POU2F2: variants seen among roughly 807,000 people sequenced by gnomAD.
POU2F2 encodes POU class 2 homeobox 2, also known as POU domain, class 2, transcription factor 2.
A neutral mutation model predicts 63.5 loss-of-function variants in POU2F2; 14 were observed. The observed-to-expected ratio is 0.22, with a 90% CI of 0.15 to 0.34. The LOEUF (loss-of-function observed/expected upper bound fraction) is 0.34. POU2F2 is among the 10% of genes least tolerant of loss of function. The probability of loss-of-function intolerance (pLI) is 1.00; values close to 1 mark genes in which losing one functional copy is unlikely to be tolerated. For synonymous variants in POU2F2, 306 were observed against 348.6 expected, an observed-to-expected ratio of 0.88 and a Z score of 1.36; for missense variants, 607 against 815.2, an observed-to-expected ratio of 0.74 and a Z score of 3.11.
chr19:42,146,032 C>CAAA (rs1004458482), intron 2 of POU2F2, among the ~76,000 whole-genome samples: 6 of 49,728 alleles, frequency 1.2e-4, no homozygotes, highest in African/African-American at 2.1e-4. Flanking sequence ...GACTCCGTCT[C>CAAA]AAAAAAAAAA....
At chr19:42,143,053 A>T (rs1161293322) in intron 2 of POU2F2, among the ~76,000 whole-genome samples, 1 of 152,184 alleles carries the variant, frequency 6.6e-6, no homozygotes, top group Non-Finnish European at 1.5e-5. Context: ...GTGAATGCAC[A>T]GATGTTCACT....
intron 2 of POU2F2, among the ~76,000 whole-genome samples, chr19:42,146,546 C>T (rs986930057): frequency 8.5e-5 from 13 of 152,216 alleles, no homozygotes; most frequent in Non-Finnish European, 7.3e-5. Context: ...GCAGATTCTC[C>T]GAGCTCATAC....
intron 11 of POU2F2, among the ~76,000 whole-genome samples, 197 bp from the exon 12 acceptor site, chr19:42,094,092 C>T (rs552559553): frequency 6.6e-6 from 1 of 152,352 alleles, no homozygotes; most frequent in East Asian, 1.9e-4. Flanking sequence ...GGCTAATTCT[C>T]CATTGAGAAC....
At chr19:42,121,589 A>T (rs888353616) in intron 4 of POU2F2, among the ~76,000 whole-genome samples, 12 of 151,864 alleles carry the variant, frequency 7.9e-5, no homozygotes, top group Admixed American at 7.9e-4. Flanking sequence ...AAGCCTCTGG[A>T]CCTGCCTGCT....
intron 1 of POU2F2, among the ~76,000 whole-genome samples, chr19:42,168,835 C>T (rs1266027085): frequency 6.6e-6 from 1 of 152,152 alleles, no homozygotes; most frequent in African/African-American, 2.4e-5. Context: ...GCTTAAATGT[C>T]ACTTCCTCAG....
chr19:42,086,122 G>T lies in POU2F2; in HGVS notation c.*5135C>A, dbSNP rs1389573890. ...GGGAGAGTAGGCATCATTTCTCTCT[G>T]TACAGTTTTTAATTTTTTATTTTTT... On this transcript the variant is annotated 3_prime_UTR_variant, in exon 15 of 15. Transcript: ENST00000692977. 6.6e-6 allele frequency: 1 copy of T among 152,136 alleles called. No homozygotes were observed. The highest frequency in any genetic ancestry group is 1.9e-4 in the East Asian group (1 of 5,198). 9.4% of individuals were successfully genotyped at this position (152,136 alleles called of 1,614,324 possible).
intron 2 of POU2F2, among the ~76,000 whole-genome samples, chr19:42,143,830 C>T (rs1010553433): frequency 1.3e-5 from 2 of 152,182 alleles, no homozygotes; most frequent in African/African-American, 4.8e-5. Flanking sequence ...TCCAGAATTA[C>T]ACTTAAACAC....
rs374511837 is a variant in POU2F2, at chr19:42,184,442, C to A, written c.-70+11941G>T. 8.5e-4 allele frequency among the ~76,000 whole-genome samples: 129 copies of A among 152,324 alleles called. 2 individuals carry two copies. In the South Asian group the frequency reaches 0.026, roughly 31 times the overall value. On this transcript the variant is annotated intron_variant, in intron 1 of 5. Coordinates refer to the POU2F2 transcript ENST00000532176. Reference sequence around the variant, plus strand: ...TCTGCTCTGGACCTATCCCCCAACCCTGCCCACATCTCCAAGAGTTTGTGG... The same window carrying A: ...TCTGCTCTGGACCTATCCCCCAACCATGCCCACATCTCCAAGAGTTTGTGG...
intron 4 of POU2F2, among the ~76,000 whole-genome samples, chr19:42,120,361 C>T (rs2032459935): frequency 6.6e-6 from 1 of 151,994 alleles, no homozygotes; most frequent in Non-Finnish European, 1.5e-5. Context: ...GCTGGGATTA[C>T]AGGCACTCAC....
intron 1 of POU2F2, among the ~76,000 whole-genome samples, chr19:42,172,834 TG>T (rs1477571889): frequency 6.6e-6 from 1 of 152,110 alleles, no homozygotes; most frequent in African/African-American, 2.4e-5. Flanking sequence ...GACAGGTCTG[TG>T]GATGGACATC....
intron 5 of POU2F2, among the ~76,000 whole-genome samples, chr19:42,114,863 G>A (rs1029130769): frequency 1.3e-5 from 2 of 152,196 alleles, no homozygotes; most frequent in Non-Finnish European, 2.9e-5. Flanking sequence ...CATCTGGGCT[G>A]AGCACCGTGG....
intron 5 of POU2F2, among the ~76,000 whole-genome samples, chr19:42,115,588 C>A (rs1005731469): frequency 4.6e-5 from 7 of 152,108 alleles, no homozygotes; most frequent in African/African-American, 7.2e-5. Flanking sequence ...TGGGTGAAAA[C>A]CAGACAGACA....
exon 1 of POU2F2, chr19:42,196,471 T>C (rs1203937251): frequency 2.0e-5 from 3 of 152,344 alleles, no homozygotes; most frequent in Non-Finnish European, 4.4e-5. Flanking sequence ...GGCTGTCCCC[T>C]GCCCAGAATA....
chr19:42,116,895 A>G (rs569143032), intron 5 of POU2F2: 152 of 483,692 alleles, frequency 3.1e-4, no homozygotes, highest in Middle Eastern at 7.5e-4. Context: ...CGGCGGCGGC[A>G]GCGGCGTTAG....
chr19:42,098,643 G>A (rs192269396), intron 7 of POU2F2, among the ~76,000 whole-genome samples: 2 of 152,298 alleles, frequency 1.3e-5, no homozygotes, highest in African/African-American at 4.8e-5. Flanking sequence ...CATGCCAATG[G>A]TGGAAGAACA....
At chr19:42,093,325 TTA>T (rs1182870590) in intron 12 of POU2F2, 4 of 152,000 alleles carry the variant, frequency 2.6e-5, no homozygotes, top group Non-Finnish European at 4.4e-5. Flanking sequence ...TATATTATTA[TTA>T]TATATATGGT....
In POU2F2 at chr19:42,148,234, C is replaced by G. The variant is rs185633802; in HGVS notation, c.-9+12098G>C. Among the ~76,000 whole-genome samples the G allele has an allele frequency of 5.4e-3, 820 of 152,302 alleles. 8 individuals carry two copies. Among genetic ancestry groups the G allele is most frequent in the Middle Eastern group, 0.037 (11 of 294 alleles). On this transcript the variant is annotated intron_variant, in intron 2 of 6. Coordinates refer to the POU2F2 transcript ENST00000524801. ...CTGGTTCTTGTGCTCACATCCTGGC[C>G]TTTCCCACATGGCCCAGAGGGACCT...
In POU2F2 at chr19:42,096,239, A is replaced by G; in HGVS notation, c.572T>C (p.Val191Ala). ...QPRAGLPTQA[V>A]TRPTLPDPHL... ...CGGGTCGGGCAGCGTAGGGCGGGTCACGGCCTGGTGGGGTGGGCAGGTGGG... is the reference window on the plus strand; with the variant it reads ...CGGGTCGGGCAGCGTAGGGCGGGTCGCGGCCTGGTGGGGTGGGCAGGTGGG... The change falls in exon 8 of 15, where the codon GTG becomes GCG. Residue 191 changes from valine (V) to alanine (A), a missense_variant. Val to Ala is a moderately conservative substitution (Grantham distance 64). This residue lies in a region of POU2F2 where 224 missense variants were observed against 264.3 expected (regional missense o/e 0.85). Coordinates refer to ENST00000692977, the MANE Select transcript of POU2F2 (RefSeq NM_001394376.1). The surrounding 1 kb of genome is among the most constrained non-coding windows in gnomAD (Gnocchi z 4.1). 1 of 1,503,410 alleles carries G rather than the reference A, an allele frequency of 6.7e-7. No individual in the cohort carries two copies. The highest frequency in any genetic ancestry group is 1.4e-5 in the African/African-American group (1 of 72,706). The allele number at this position is 1,503,410 out of a possible 1,614,324, so 93.1% of individuals were successfully genotyped here.
chr19:42,116,130 C>G (rs979251171), intron 5 of POU2F2, among the ~76,000 whole-genome samples: 5 of 152,148 alleles, frequency 3.3e-5, no homozygotes, highest in African/African-American at 1.2e-4. Context: ...TTAAGCCACC[C>G]AGTTTATGGT....
Sources: allele counts gnomAD v4.1 joint callset (sites outside exome capture counted in the v4.1 genomes callset), GRCh38; gene constraint gnomAD v4.1.1; regional missense constraint gnomAD v4.1.1; non-coding constraint Gnocchi (gnomAD v3.1); transcripts MANE v1.5; gene names NCBI Gene and HGNC (gene_info 2026-07-23, HGNC 2026-07-21).